TRABD2A: variants seen among roughly 807,000 people sequenced by gnomAD.
TRABD2A encodes TraB domain containing 2A.
TRABD2A carries 43 observed loss-of-function variants against 45.6 expected under a neutral mutation model. The observed-to-expected ratio is 0.94, with a 90% CI of 0.74 to 1.22. The LOEUF is 1.22. Among genes scored for constraint, TRABD2A ranks in the 50% most tolerant of loss-of-function variants. The pLI is 0.00. For missense variants in TRABD2A, 642 were observed against 652.4 expected (o/e 0.98, Z 0.17); for synonymous variants, 269 against 265.0 (o/e 1.02, Z -0.15).
At chr2:84,845,117 G>A (rs1489293693) in intron 2 of TRABD2A, among the ~76,000 whole-genome samples, 6 of 152,274 alleles carry the variant, frequency 3.9e-5, no homozygotes, top group South Asian at 2.1e-4. Context: ...TTGGGAGGCC[G>A]ATGCAGGTGG....
At chr2:84,838,454 A>G (rs1039828998) in intron 4 of TRABD2A, among the ~76,000 whole-genome samples, 2 of 152,144 alleles carry the variant, frequency 1.3e-5, no homozygotes, top group Middle Eastern at 6.3e-3. Flanking sequence ...CCCTCACTCC[A>G]CCATTTCAGA....
intron 2 of TRABD2A, among the ~76,000 whole-genome samples, chr2:84,845,389 G>A (rs1681852826): frequency 6.6e-6 from 1 of 152,092 alleles, no homozygotes; most frequent in Non-Finnish European, 1.5e-5. Context: ...GGAGAGTTTT[G>A]TGCATTATAA....
chr2:84,857,352 TC>T (rs2105396250), intron 2 of TRABD2A, among the ~76,000 whole-genome samples: 1 of 152,306 alleles, frequency 6.6e-6, no homozygotes, highest in African/African-American at 2.4e-5. Flanking sequence ...TAGGTAAGTT[TC>T]CTTTACATTT....
At chr2:84,875,038 G>A in intron 1 of TRABD2A, 2 of 175,858 alleles carry the variant, frequency 1.1e-5, no homozygotes, top group Non-Finnish European at 2.5e-5. Flanking sequence ...CTTGATGGCT[G>A]CCACACTCAT....
At chr2:84,852,024 A>C (rs1447418193) in intron 2 of TRABD2A, among the ~76,000 whole-genome samples, 2 of 152,164 alleles carry the variant, frequency 1.3e-5, no homozygotes, top group Non-Finnish European at 2.9e-5. Context: ...TCCATAGAGA[A>C]GGGGGTCAGG....
chr2:84,850,552 G>A (rs537589725), intron 2 of TRABD2A, among the ~76,000 whole-genome samples: 1 of 152,230 alleles, frequency 6.6e-6, no homozygotes, highest in East Asian at 1.9e-4. Flanking sequence ...TTGGGGTCAA[G>A]GTGGAGGCCC....
chr2:84,826,021 A>G (rs908811726), intron 5 of TRABD2A, among the ~76,000 whole-genome samples: 4 of 152,094 alleles, frequency 2.6e-5, no homozygotes, highest in Non-Finnish European at 5.9e-5. Context: ...GTTGAGGGCC[A>G]CTGTCTTAGA....
chr2:84,868,945 G>A (rs1223680913), intron 2 of TRABD2A, among the ~76,000 whole-genome samples: 1 of 152,132 alleles, frequency 6.6e-6, no homozygotes, highest in African/African-American at 2.4e-5. Flanking sequence ...AATAATGCAA[G>A]AAAATCTTTC....
At chr2:84,872,658 G>A (rs767255986) in intron 1 of TRABD2A, among the ~76,000 whole-genome samples, 3 of 152,278 alleles carry the variant, frequency 2.0e-5, no homozygotes, top group African/African-American at 7.2e-5. Flanking sequence ...TCTATCTACA[G>A]GCAATTCTTA....
chr2:84,836,885 G>A (rs993133300), intron 4 of TRABD2A: 36 of 149,778 alleles, frequency 2.4e-4, no homozygotes, highest in Admixed American at 7.3e-4. Flanking sequence ...ATTCCTATTT[G>A]GTTCTTTTAA....
intron 2 of TRABD2A, among the ~76,000 whole-genome samples, chr2:84,846,332 G>A (rs1681895458): frequency 2.0e-5 from 3 of 152,116 alleles, no homozygotes; most frequent in Admixed American, 1.3e-4. Flanking sequence ...ACAACCCAGG[G>A]GAAGCATGGC....
intron 3 of TRABD2A, among the ~76,000 whole-genome samples, chr2:84,839,980 CTG>C (rs1000875307): frequency 7.9e-5 from 12 of 152,148 alleles, no homozygotes; most frequent in African/African-American, 2.7e-4. Flanking sequence ...GGCTGGCACT[CTG>C]TGTTTTCTCC....
rs557220948 is a variant in TRABD2A at position 84,830,945 on chromosome 2, T to C, written c.1082+1110A>G. On this transcript the variant is annotated intron_variant, in intron 5 of 6. Transcript: ENST00000409520. The surrounding 1 kb of genome is among the most constrained non-coding windows in gnomAD (Gnocchi z 4.9). ...CATCCTGGAACTCTCTCGCTACAGCTGAGACCTCTGCCAGGAGAGGGGGCT... is the reference window on the plus strand; with the variant it reads ...CATCCTGGAACTCTCTCGCTACAGCCGAGACCTCTGCCAGGAGAGGGGGCT... Among the ~76,000 whole-genome samples, 1 of 152,144 alleles carries C rather than the reference T, an allele frequency of 6.6e-6. No homozygotes were observed. The highest frequency in any genetic ancestry group is 6.5e-5 in the Admixed American group (1 of 15,290).
intron 1 of TRABD2A, among the ~76,000 whole-genome samples, chr2:84,873,609 A>C (rs1682937930): frequency 6.6e-6 from 1 of 152,198 alleles, no homozygotes; most frequent in African/African-American, 2.4e-5. Context: ...CGAATTAAGC[A>C]ATCAAATGTC....
At position 84,870,348 on chromosome 2, in the gene TRABD2A, G is replaced by T; in HGVS notation, c.546C>A (p.Ser182=). ...VNSLTEVDIK[S]RGVPVLDLFL... is the part of the protein sequence containing the mutation. ...ACAGGTCTAAGACAGGCACTCCACGGGACTTAATGTCCACTTCAGTCAGGG... is the reference window on the plus strand; with the variant it reads ...ACAGGTCTAAGACAGGCACTCCACGTGACTTAATGTCCACTTCAGTCAGGG... The change falls in exon 2 of 7, where the codon TCC becomes TCA. Residue 182 remains serine, a synonymous_variant. Transcript: ENST00000409520. 1 of 1,613,974 alleles carries T rather than the reference G, an allele frequency of 6.2e-7. No individual in the cohort carries two copies. Among genetic ancestry groups the T allele is most frequent in the Non-Finnish European group, 8.5e-7 (1 of 1,179,886 alleles).
intron 2 of TRABD2A, among the ~76,000 whole-genome samples, chr2:84,845,983 G>C (rs1013232267): frequency 2.6e-5 from 4 of 152,084 alleles, no homozygotes; most frequent in Non-Finnish European, 4.4e-5. Flanking sequence ...GGAGGAGAAG[G>C]AAAGGCAGAG....
intron 2 of TRABD2A, among the ~76,000 whole-genome samples, chr2:84,848,347 TA>T (rs1386686239): frequency 8.0e-6 from 1 of 125,702 alleles, no homozygotes; most frequent in African/African-American, 3.6e-5. Flanking sequence ...GATAGATAGA[TA>T]GATAGATAGA....
intron 1 of TRABD2A, 95 bp downstream of exon 1, chr2:84,880,837 C>A: frequency 6.6e-7 from 1 of 1,521,318 alleles, no homozygotes; most frequent in African/African-American, 1.4e-5. Context: ...GAAGTCGGCT[C>A]GGGGTCCGAA....
At chr2:84,879,141 CATTA>C (rs1683122125) in intron 1 of TRABD2A, among the ~76,000 whole-genome samples, 1 of 151,304 alleles carries the variant, frequency 6.6e-6, no homozygotes, top group Non-Finnish European at 1.5e-5. Flanking sequence ...CTACTATCTC[CATTA>C]ATTCACATAA....
Sources: allele counts gnomAD v4.1 joint callset (sites outside exome capture counted in the v4.1 genomes callset), GRCh38; gene constraint gnomAD v4.1.1; non-coding constraint Gnocchi (gnomAD v3.1); transcripts MANE v1.5; gene names NCBI Gene and HGNC (gene_info 2026-07-23, HGNC 2026-07-21).